The following PCDHA8 variants were observed in gnomAD, a reference collection of about 807,000 sequenced individuals.
PCDHA8 encodes protocadherin alpha-8.
Under a neutral mutation model 61.8 loss-of-function variants are expected in PCDHA8, and 53 were observed. The observed-to-expected ratio is 0.86, with a 90% CI of 0.69 to 1.08. The LOEUF is 1.08. PCDHA8 is among the 50% of genes least tolerant of loss of function. The probability of loss-of-function intolerance (pLI) is 0.00; values close to 1 mark genes in which losing one functional copy is unlikely to be tolerated. For synonymous variants in PCDHA8, 618 were observed against 556.6 expected (o/e 1.11, Z -1.55); for missense variants, 1,293 against 1,245.0 (o/e 1.04, Z -0.58).
intron 1 of PCDHA8, chr5:140,870,180 A>G: frequency 1.2e-6 from 2 of 1,614,112 alleles, no homozygotes; most frequent in Non-Finnish European, 8.5e-7. Context: ...TCCCAGTACG[A>G]GAGGACGCTC....
chr5:140,870,469 C>T, intron 1 of PCDHA8: 1 of 1,614,246 alleles, frequency 6.2e-7, no homozygotes. Context: ...TGCGTTCGCA[C>T]AGCCCGAGTA....
Position 140,843,392 on chromosome 5 carries a change from G to A in PCDHA8, c.2071G>A (p.Ala691Thr). ...GTCGGCTGGCGTTTTGGGTCCGGAA[G>A]CGGCGCTGGTGGATGTCAACGTGTA... ...RQSAGVLGPE[A>T]ALVDVNVYLI... Residue 691 changes from alanine to threonine, a missense_variant, in exon 1 of 4, where the codon GCG (alanine) becomes ACG (threonine). Transcript: ENST00000531613. The A allele has an allele frequency of 6.3e-7, 1 of 1,596,106 alleles. No individual in the cohort carries two copies. The highest frequency in any genetic ancestry group is 8.6e-7 in the Non-Finnish European group (1 of 1,165,600).
Position 140,875,657 on chromosome 5 carries a change from G to T in PCDHA8, c.2394+31942G>T, listed in dbSNP as rs1241102848. 6 of 1,613,738 alleles carry T rather than the reference G, an allele frequency of 3.7e-6. No homozygotes were observed. The East Asian group carries it at 1.1e-4, about 30-fold the overall frequency. Reference sequence around the variant, plus strand: ...CTGGAGCTGGCGGAGCTGGTGCCGCGCCTGTTCCGGGTGGCGTCCAAAAGA... The same window carrying T: ...CTGGAGCTGGCGGAGCTGGTGCCGCTCCTGTTCCGGGTGGCGTCCAAAAGA... On this transcript the variant is annotated intron_variant, in intron 1 of 3. Coordinates refer to ENST00000531613, the MANE Select transcript of PCDHA8 (RefSeq NM_018911.3).
intron 1 of PCDHA8, chr5:140,866,014 C>A (rs187025106): frequency 1.3e-5 from 2 of 152,026 alleles, no homozygotes; most frequent in East Asian, 3.9e-4. Flanking sequence ...TGATTTTTTT[C>A]TTGTAAGAGT....
At chr5:140,871,311 C>T (rs782501180) in intron 1 of PCDHA8, 9 of 1,613,922 alleles carry the variant, frequency 5.6e-6, no homozygotes, top group Non-Finnish European at 7.6e-6. Flanking sequence ...CGGGGAAGCC[C>T]ACGCTGGTGT....
chr5:140,993,001 TC>T (rs1554253322), intron 3 of PCDHA8, among the ~76,000 whole-genome samples: 4 of 152,124 alleles, frequency 2.6e-5, no homozygotes, highest in Admixed American at 2.6e-4. Context: ...TGAAAGAGCC[TC>T]CCCAGAGTCC....
Position 141,010,353 on chromosome 5 carries a change from G to A in PCDHA8, c.*416G>A. On this transcript the variant is annotated 3_prime_UTR_variant, in exon 4 of 4. Transcript: ENST00000531613. ...AGTTTGTGGCCACTGGGTATGTGTG[G>A]CTACCGCGGGTATGCGAGTGCCAGA... is the stretch of plus-strand genomic sequence containing the variant. 1.3e-6 allele frequency: 2 copies of A among 1,507,486 alleles called. No individual in the cohort carries two copies. Among genetic ancestry groups the A allele is most frequent in the Non-Finnish European group, 1.8e-6 (2 of 1,128,244 alleles). The allele number at this position is 1,507,486 out of a possible 1,614,324, so 93.4% of individuals were successfully genotyped here. A position where few individuals can be genotyped will look rare whatever the true frequency, so the allele number is the denominator to read the frequency against.
chr5:140,992,017 CTGTGTGTGTGTG>C (rs10602499), intron 3 of PCDHA8, among the ~76,000 whole-genome samples: 3 of 145,512 alleles, frequency 2.1e-5, no homozygotes, highest in South Asian at 2.2e-4. Flanking sequence ...AGAGGTGGCT[CTGTGTGTGTGTG>C]TGTGTGTGTG....
intron 1 of PCDHA8, chr5:140,966,564 T>A (rs1342180377): frequency 2.0e-6 from 1 of 488,548 alleles, no homozygotes; most frequent in Non-Finnish European, 3.4e-6. Context: ...GGAGCTGGAA[T>A]ATGGGGAGTC....
chr5:140,997,834 C>T (rs1385482729), intron 3 of PCDHA8, among the ~76,000 whole-genome samples: 2 of 152,106 alleles, frequency 1.3e-5, no homozygotes, highest in Non-Finnish European at 2.9e-5. Context: ...CTAAACAATA[C>T]AATATACATT....
At chr5:140,995,851 G>A (rs2097700458) in intron 3 of PCDHA8, among the ~76,000 whole-genome samples, 4 of 152,250 alleles carry the variant, frequency 2.6e-5, no homozygotes, top group South Asian at 2.1e-4. Flanking sequence ...CATTTCTATC[G>A]TATCACTTAA....
intron 1 of PCDHA8, chr5:140,857,722 C>T (rs371525843): frequency 4.4e-6 from 7 of 1,597,318 alleles, no homozygotes; most frequent in African/African-American, 2.7e-5. Flanking sequence ...TGGACGAGAA[C>T]GACAACGCTC....
In PCDHA8 at chr5:140,843,133, C is replaced by T. The variant is rs2150353566; in HGVS notation, c.1812C>T (p.Asn604=). The T allele has an allele frequency of 2.5e-6, 4 of 1,595,974 alleles. 1 individual carries two copies. The highest frequency in any genetic ancestry group is 3.4e-6 in the Non-Finnish European group (4 of 1,165,590). ...VRAVDADSGY[N]AWLSYELQPA... ...CAGTGGACGCCGACTCGGGCTACAA[C>T]GCGTGGCTTTCGTATGAGCTGCAGC... Residue 604 remains asparagine (N), a synonymous_variant, in exon 1 of 4, where the codon AAC becomes AAT. Transcript: ENST00000531613.
At chr5:140,874,516 G>A (rs1307179066) in intron 1 of PCDHA8, among the ~76,000 whole-genome samples, 4 of 152,210 alleles carry the variant, frequency 2.6e-5, no homozygotes, top group Non-Finnish European at 5.9e-5. Context: ...CTTGACTTTA[G>A]TCAATGAGAT....
rs2150322349 is a variant in PCDHA8 at position 140,841,768 on chromosome 5, C to T, written c.447C>T (p.Asp149=). ...KLFVSESRMP[D]SRFPLEGASD... ...TTGTTTCAGAATCCAGAATGCCAGA[C>T]TCTCGGTTTCCGCTAGAGGGCGCGT... Residue 149 remains aspartate (D), a synonymous_variant, in exon 1 of 4, where the codon GAC becomes GAT. Coordinates refer to ENST00000531613, the MANE Select transcript of PCDHA8 (RefSeq NM_018911.3). 2 of 1,613,936 alleles carry T rather than the reference C, an allele frequency of 1.2e-6. No individual in the cohort carries two copies. Among genetic ancestry groups the T allele is most frequent in the East Asian group, 2.2e-5 (1 of 44,886 alleles).
At position 140,843,365 on chromosome 5, in the gene PCDHA8, C is replaced by G. The variant is rs2150358343; in HGVS notation, c.2044C>G (p.Gln682Glu). ...CCAGGCTCCAAAAGCGTCATCGAGGCAGTCGGCTGGCGTTTTGGGTCCGGA... is the reference window on the plus strand; with the variant it reads ...CCAGGCTCCAAAAGCGTCATCGAGGGAGTCGGCTGGCGTTTTGGGTCCGGA... ...SGQAPKASSR[Q>E]SAGVLGPEAA... Residue 682 changes from glutamine (Q) to glutamate (E), a missense_variant, in exon 1 of 4, where the codon CAG (glutamine) becomes GAG (glutamate). Transcript: ENST00000531613. 3 of 1,595,994 alleles carry G rather than the reference C, an allele frequency of 1.9e-6. No individual in the cohort carries two copies. The highest frequency in any genetic ancestry group is 2.6e-6 in the Non-Finnish European group (3 of 1,165,606).
In PCDHA8 at chr5:140,849,870, G is replaced by T. The variant is rs2150455328; in HGVS notation, c.2394+6155G>T. ...CAACGCACCAGCGTTCGCGCAGTCC[G>T]AGTACACGGTGTTCGTGAAGGAGAA... On this transcript the variant is annotated intron_variant, in intron 1 of 3. Coordinates refer to ENST00000531613, the MANE Select transcript of PCDHA8 (RefSeq NM_018911.3). 25 of 1,598,494 alleles carry T rather than the reference G, an allele frequency of 1.6e-5. 2 individuals carry two copies. The highest frequency in any genetic ancestry group is 2.1e-5 in the Non-Finnish European group (24 of 1,167,988).
intron 3 of PCDHA8, among the ~76,000 whole-genome samples, chr5:141,007,904 T>C (rs1397513381): frequency 6.6e-6 from 1 of 152,278 alleles, no homozygotes; most frequent in African/African-American, 2.4e-5. Flanking sequence ...TTGTTCTTTG[T>C]TGAAGATGCT....
In PCDHA8 at chr5:140,937,565, T is replaced by C. The variant is rs528061401; in HGVS notation, c.2395-41384T>C. ...CTGCGAGGCAGAGGTTGCAGTGAGC[T>C]GGGATCGCGTCACTGCACTCTAGCC... On this transcript the variant is annotated intron_variant, in intron 1 of 3. Transcript: ENST00000531613. Among the ~76,000 whole-genome samples the C allele has an allele frequency of 1.9e-3, 290 of 151,276 alleles. 1 individual carries two copies. The highest frequency in any genetic ancestry group is 6.8e-3 in the African/African-American group (279 of 40,958).
Sources: gnomAD v4.1 joint callset for allele counts (sites outside exome capture counted in the v4.1 genomes callset) on GRCh38, gnomAD v4.1.1 for gene constraint, MANE v1.5 for transcripts, NCBI Gene and HGNC (gene_info 2026-07-23, HGNC 2026-07-21) for gene names.